The following JADE2 variants were observed in gnomAD, a reference collection of about 807,000 sequenced individuals.
JADE2 encodes the protein jade family PHD finger 2.
JADE2 carries 13 observed loss-of-function variants against 85.7 expected under a neutral mutation model. That is an observed-to-expected ratio of 0.15 (90% CI 0.10 to 0.24). The LOEUF (loss-of-function observed/expected upper bound fraction) is 0.24, where lower values mean the gene tolerates loss of function less well. Among genes scored for constraint, JADE2 ranks in the 10% least tolerant of loss-of-function variants. The pLI is 1.00. For synonymous variants in JADE2, 440 were observed against 456.1 expected (o/e 0.96, Z 0.45); for missense variants, 846 against 1,115.9 (o/e 0.76, Z 3.45).
chr5:134,524,028 T>G (rs1760671188), upstream of JADE2, among the ~76,000 whole-genome samples: 1 of 152,110 alleles, frequency 6.6e-6, no homozygotes. Flanking sequence ...CCACGTGCCT[T>G]CAAAGCCAAA....
At chr5:134,561,631 G>A (rs1199466179) in intron 6 of JADE2, among the ~76,000 whole-genome samples, 1 of 152,154 alleles carries the variant, frequency 6.6e-6, no homozygotes, top group African/African-American at 2.4e-5. Flanking sequence ...CTGCCCTTAT[G>A]CACCATCGCT....
intron 9 of JADE2, among the ~76,000 whole-genome samples, chr5:134,570,243 C>T (rs1003280735): frequency 9.2e-5 from 14 of 152,106 alleles, no homozygotes; most frequent in East Asian, 3.9e-4. Context: ...CTCAGGACAG[C>T]GTCCCCTCTG....
Position 134,579,528 on chromosome 5 carries a change from C to A in JADE2, c.*211C>A. ...TAGGACATTAGGATTCCTTCCACGG[C>A]TCCGGCCGCTAGGACCCTGCCAGGT... On this transcript the variant is annotated 3_prime_UTR_variant, in exon 12 of 12. Transcript: ENST00000681547. The surrounding 1 kb of genome is among the most constrained non-coding windows in gnomAD (Gnocchi z 4.6). 1.8e-6 allele frequency: 1 copy of A among 552,218 alleles called. No homozygotes were observed. The highest frequency in any genetic ancestry group is 3.2e-6 in the Non-Finnish European group (1 of 312,524). The allele number at this position is 552,218 out of a possible 1,614,324, so 34.2% of individuals were successfully genotyped here. A position where few individuals can be genotyped will look rare whatever the true frequency, so the allele number is the denominator to read the frequency against.
At chr5:134,531,108 A>G (rs1434543693) in intron 1 of JADE2, among the ~76,000 whole-genome samples, 2 of 152,264 alleles carry the variant, frequency 1.3e-5, no homozygotes, top group Non-Finnish European at 2.9e-5. Flanking sequence ...ATAGACTGAC[A>G]TGGGCCACAC....
intron 3 of JADE2, among the ~76,000 whole-genome samples, chr5:134,539,987 A>G (rs1761872574): frequency 6.6e-6 from 1 of 152,066 alleles, no homozygotes; most frequent in Non-Finnish European, 1.5e-5. Context: ...GGTAGGGTAT[A>G]GACAGTGTTT....
intron 3 of JADE2, among the ~76,000 whole-genome samples, chr5:134,550,559 G>A (rs927809268): frequency 6.6e-6 from 1 of 152,210 alleles, no homozygotes; most frequent in Non-Finnish European, 1.5e-5. Context: ...GGTTTCTCTT[G>A]TCTCAGTGAT....
At chr5:134,565,363 T>C (rs928689786) in intron 8 of JADE2, among the ~76,000 whole-genome samples, 21 of 152,208 alleles carry the variant, frequency 1.4e-4, no homozygotes, top group African/African-American at 5.1e-4. Flanking sequence ...GTTATCATCA[T>C]CCAAGGCTAA....
chr5:134,576,416 C>T (rs1329176683), intron 10 of JADE2, among the ~76,000 whole-genome samples: 1 of 152,182 alleles, frequency 6.6e-6, no homozygotes, highest in Non-Finnish European at 1.5e-5. Flanking sequence ...ACCTACATGT[C>T]TAGCTCCTCA....
chr5:134,578,872 C>T lies in JADE2; in HGVS notation c.2060C>T (p.Pro687Leu). Residue 687 changes from proline to leucine, a missense_variant, in exon 12 of 12, where the codon CCT (proline) becomes CTT (leucine). Physicochemically the swap from Pro to Leu is moderately conservative, Grantham distance 98 (BLOSUM62 -3). Around this residue, in one of 9 missense-constraint regions of JADE2, gnomAD observed 300 missense variants for 300.7 expected, o/e 1.00. Coordinates refer to ENST00000681547, the MANE Select transcript of JADE2 (RefSeq NM_001388185.1). This position sits in a 1 kb window ranked among gnomAD's most constrained non-coding sequence, Gnocchi z 4.4. ...AGSGKGGQGPPTRKPPRRTSS... is the reference protein window; with the variant it reads ...AGSGKGGQGPLTRKPPRRTSS... ...AGTGGCAAGGGGGGTCAAGGGCCAC[C>T]TACCAGGAAGCCACCACGTCGGACA... 7.4e-6 allele frequency: 12 copies of T among 1,613,814 alleles called. No individual in the cohort carries two copies. The highest frequency in any genetic ancestry group is 1.0e-5 in the Non-Finnish European group (12 of 1,180,000).
At chr5:134,564,334 G>C (rs1226220916) in intron 7 of JADE2, 160 bp from the exon 8 acceptor site, 1 of 546,622 alleles carries the variant, frequency 1.8e-6, no homozygotes, top group Non-Finnish European at 3.3e-6. Flanking sequence ...CGGCCTTTGA[G>C]CCATGCTTGT....
At chr5:134,531,532 C>A (rs1287015592) in intron 1 of JADE2, among the ~76,000 whole-genome samples, 1 of 152,018 alleles carries the variant, frequency 6.6e-6, no homozygotes, top group Admixed American at 6.5e-5. Context: ...CTGCCTCTAC[C>A]TCCCAAGTAG....
chr5:134,525,466 C>T (rs1298468886), upstream of JADE2, among the ~76,000 whole-genome samples: 1 of 150,812 alleles, frequency 6.6e-6, no homozygotes, highest in Non-Finnish European at 1.5e-5. Context: ...GCAACGCTAC[C>T]TGGACTCCCC....
chr5:134,562,475 C>T lies in JADE2; in HGVS notation c.852+108C>T. On this transcript the variant is annotated intron_variant, in intron 7 of 11. Transcript: ENST00000681547. This position sits in a 1 kb window ranked among gnomAD's most constrained non-coding sequence, Gnocchi z 4.6. ...GGGAAAAGAAGGTGATGGACTCGCA[C>T]TAAAACACTGAGATCGGCCGGGCGC... The T allele has an allele frequency of 8.6e-7, 1 of 1,168,262 alleles. No homozygotes were observed. The highest frequency in any genetic ancestry group is 2.5e-5 in the Admixed American group (1 of 39,782). 72.4% of individuals were successfully genotyped at this position (1,168,262 alleles called of 1,614,324 possible). A position where few individuals can be genotyped will look rare whatever the true frequency, so the allele number is the denominator to read the frequency against.
At chr5:134,526,062 T>C (rs911008329) in intron 1 of JADE2, 51 bp downstream of exon 1, 54 of 985,206 alleles carry the variant, frequency 5.5e-5, no homozygotes, top group Middle Eastern at 5.2e-4. Flanking sequence ...ACGACGTTAT[T>C]TGGCGTTTTT....
At chr5:134,560,123 C>A in intron 5 of JADE2, 133 bp downstream of exon 5, 1 of 996,842 alleles carries the variant, frequency 1.0e-6, no homozygotes, top group Non-Finnish European at 1.5e-6. Context: ...TACTGCATTA[C>A]TGAATGGGGA....
At chr5:134,530,529 C>T (rs1185876789) in intron 1 of JADE2, among the ~76,000 whole-genome samples, 30 of 152,180 alleles carry the variant, frequency 2.0e-4, no homozygotes, top group Admixed American at 2.0e-3. Flanking sequence ...GCCTGAAAGG[C>T]CCACTGTTCC....
At chr5:134,551,920 AT>A in intron 3 of JADE2, 131 bp from the exon 4 acceptor site, 1 of 825,300 alleles carries the variant, frequency 1.2e-6, no homozygotes. Flanking sequence ...GATTGCTTTT[AT>A]TTCGTCTTAT....
At chr5:134,524,841 C>T (rs1019450128), upstream of JADE2, among the ~76,000 whole-genome samples, 1 of 152,196 alleles carries the variant, frequency 6.6e-6, no homozygotes, top group Non-Finnish European at 1.5e-5. Context: ...GGAGGAGGGC[C>T]GCGCCCCCTC....
intron 3 of JADE2, among the ~76,000 whole-genome samples, chr5:134,542,693 C>T (rs893859196): frequency 2.0e-5 from 3 of 152,054 alleles, no homozygotes; most frequent in African/African-American, 4.8e-5. Flanking sequence ...CCGCCTGCCT[C>T]GGCCCCCCAG....
Sources: allele counts gnomAD v4.1 joint callset (sites outside exome capture counted in the v4.1 genomes callset), GRCh38; gene constraint gnomAD v4.1.1; regional missense constraint gnomAD v4.1.1; non-coding constraint Gnocchi (gnomAD v3.1); transcripts MANE v1.5; gene names NCBI Gene and HGNC (gene_info 2026-07-23, HGNC 2026-07-21).